The following PRPS2 variants were observed in gnomAD, a reference collection of about 807,000 sequenced individuals.
The protein encoded by PRPS2 is ribose-phosphate pyrophosphokinase 2.
For missense variants in PRPS2, 104 were observed against 271.5 expected (o/e 0.38, Z 4.34); for synonymous variants, 111 against 115.3 (o/e 0.96, Z 0.24).
intron 4 of PRPS2, among the ~76,000 whole-genome samples, chrX:12,813,431 C>T (rs951291246): frequency 8.9e-6 from 1 of 112,283 alleles, no homozygotes; most frequent in African/African-American, 3.2e-5. Context: ...GGATACGTTC[C>T]TAGAAGTGGA....
At chrX:12,800,469 AAGTTGTGGGTGGACATG>A in intron 2 of PRPS2, among the ~76,000 whole-genome samples, 1 of 111,552 alleles carries the variant, frequency 9.0e-6, no homozygotes, top group Non-Finnish European at 1.9e-5. Context: ...TCACATGCTG[AAGTTGTGGGTGGACATG>A]AGTTTTGGGG....
chrX:12,824,088 T>C lies in PRPS2; in HGVS notation c.*1292T>C, dbSNP rs185663219. On this transcript the variant is annotated 3_prime_UTR_variant, in exon 7 of 7. Coordinates refer to ENST00000380668, the MANE Select transcript of PRPS2 (RefSeq NM_002765.5). ...CTTATAGATACTCATATGATCACTT[T>C]TCTTTTTAGATACTACATCAACTAG... The C allele has an allele frequency of 8.9e-6, 1 of 112,831 alleles. No individual in the cohort carries two copies. The highest frequency in any genetic ancestry group is 3.2e-5 in the African/African-American group (1 of 31,034). The allele number at this position is 112,831 out of a possible 1,213,427, so 9.3% of individuals were successfully genotyped here. A position where few individuals can be genotyped will look rare whatever the true frequency, so the allele number is the denominator to read the frequency against.
intron 4 of PRPS2, among the ~76,000 whole-genome samples, chrX:12,818,812 G>A (rs1232096170): frequency 9.0e-6 from 1 of 111,572 alleles, no homozygotes; most frequent in African/African-American, 3.3e-5. Context: ...ACCAGCAAGC[G>A]AGGCCTGCCC....
At chrX:12,809,152 A>C in intron 2 of PRPS2, 82 bp from the exon 3 acceptor site, 1 of 860,019 alleles carries the variant, frequency 1.2e-6, no homozygotes, top group Non-Finnish European at 1.7e-6. Flanking sequence ...TCTATGATTT[A>C]TCCTTCTCAT....
intron 2 of PRPS2, among the ~76,000 whole-genome samples, chrX:12,807,763 A>C (rs750060741): frequency 2.0e-4 from 22 of 111,925 alleles, no homozygotes; most frequent in Non-Finnish European, 4.1e-4. Flanking sequence ...AAAAACAAGA[A>C]AAATATATTT....
intron 3 of PRPS2, 123 bp from the exon 4 acceptor site, chrX:12,809,899 A>T (rs978590353): frequency 9.2e-6 from 9 of 974,908 alleles, no homozygotes; most frequent in Non-Finnish European, 6.8e-6. Context: ...GGAGTCTGTT[A>T]TAAAAGCTTC....
At chrX:12,805,686 C>T (rs1184008432) in intron 2 of PRPS2, among the ~76,000 whole-genome samples, 3 of 112,252 alleles carry the variant, frequency 2.7e-5, no homozygotes, top group Admixed American at 1.9e-4. Context: ...TATGCAAAAA[C>T]AGGCTGTGGG....
At chrX:12,797,036 T>C (rs2042548078) in intron 1 of PRPS2, among the ~76,000 whole-genome samples, 1 of 110,070 alleles carries the variant, frequency 9.1e-6, no homozygotes, top group South Asian at 3.9e-4. Context: ...CCTATCAAAA[T>C]GGTAAAACAC....
At chrX:12,812,776 C>T (rs2042630532) in intron 4 of PRPS2, among the ~76,000 whole-genome samples, 1 of 111,943 alleles carries the variant, frequency 8.9e-6, no homozygotes, top group Non-Finnish European at 1.9e-5. Flanking sequence ...AAAAGAAACC[C>T]TGTACCCATT....
At chrX:12,796,370 A>G (rs949053629) in intron 1 of PRPS2, among the ~76,000 whole-genome samples, 1 of 109,651 alleles carries the variant, frequency 9.1e-6, no homozygotes, top group African/African-American at 3.3e-5. Flanking sequence ...ACAGGCATGC[A>G]CCACCACACC....
At chrX:12,816,492 G>T (rs1247460699) in intron 4 of PRPS2, among the ~76,000 whole-genome samples, 1 of 110,584 alleles carries the variant, frequency 9.0e-6, no homozygotes, top group Admixed American at 9.6e-5. Context: ...TTGTAGAGAT[G>T]GGGTTTTACT....
At chrX:12,815,103 AAG>A (rs766230723) in intron 4 of PRPS2, among the ~76,000 whole-genome samples, 1 of 112,833 alleles carries the variant, frequency 8.9e-6, no homozygotes, top group Non-Finnish European at 1.9e-5. Flanking sequence ...CAAGGAAAAG[AAG>A]AGTTACCTAT....
intron 5 of PRPS2, among the ~76,000 whole-genome samples, chrX:12,819,899 T>C (rs759142495): frequency 1.8e-5 from 2 of 112,516 alleles, no homozygotes; most frequent in African/African-American, 6.4e-5. Context: ...GTAGTGTACC[T>C]GGAAAAAGGT....
intron 3 of PRPS2, 111 bp downstream of exon 3, chrX:12,809,443 G>T: frequency 1.3e-6 from 1 of 763,821 alleles, no homozygotes; most frequent in South Asian, 2.5e-5. Flanking sequence ...TTGGATTTTT[G>T]TCTTTACTAA....
intron 6 of PRPS2, 142 bp downstream of exon 6, chrX:12,820,945 A>G: frequency 1.6e-6 from 1 of 622,037 alleles, no homozygotes; most frequent in South Asian, 3.9e-5. Context: ...ACGGCAGGAT[A>G]TAAATCATAT....
chrX:12,822,169 C>T (rs1378891814), intron 6 of PRPS2, among the ~76,000 whole-genome samples: 3 of 112,021 alleles, frequency 2.7e-5, no homozygotes, highest in African/African-American at 9.7e-5. Flanking sequence ...TATCAGAGCA[C>T]AGCCACGTCC....
At chrX:12,819,777 G>T (rs771893477) in intron 5 of PRPS2, 97 bp downstream of exon 5, 27 of 979,644 alleles carry the variant, frequency 2.8e-5, no homozygotes, top group Non-Finnish European at 3.7e-5. Context: ...GATTATTGCC[G>T]GTCTTGGCAG....
rs145657702 is a variant in PRPS2, at chrX:12,821,931, C to T, written c.865-773C>T. Among the ~76,000 whole-genome samples the T allele has an allele frequency of 4.9e-3, 552 of 112,789 alleles. 4 individuals carry two copies. Among genetic ancestry groups the T allele is most frequent in the African/African-American group, 0.016 (500 of 31,095 alleles). ...GCAAGTCATTTCATTGCTCCAAAGC[C>T]TCGGCTCCCATCAGCGTAGCATGAA... is the stretch of plus-strand genomic sequence containing the variant. On this transcript the variant is annotated intron_variant, in intron 6 of 6. Transcript: ENST00000380668.
At chrX:12,792,202 G>A (rs2042523082) in intron 1 of PRPS2, among the ~76,000 whole-genome samples, 1 of 112,473 alleles carries the variant, frequency 8.9e-6, no homozygotes, top group South Asian at 3.6e-4. Context: ...TCCAACGGGC[G>A]GAGGATCAGC....
Sources: allele counts gnomAD v4.1 joint callset (sites outside exome capture counted in the v4.1 genomes callset), GRCh38; gene constraint gnomAD v4.1.1; transcripts MANE v1.5; gene names NCBI Gene and HGNC (gene_info 2026-07-23, HGNC 2026-07-21).